The following PCDH1 variants were observed in gnomAD, a reference collection of about 807,000 sequenced individuals.
PCDH1 encodes the protein protocadherin 1.
A neutral mutation model predicts 74.6 loss-of-function variants in PCDH1; 23 were observed. The observed-to-expected ratio is 0.31, with a 90% CI of 0.22 to 0.44. The LOEUF is 0.44. Among genes scored for constraint, PCDH1 ranks in the 20% least tolerant of loss-of-function variants. The pLI is 1.00. For synonymous variants in PCDH1, 647 were observed against 686.1 expected (o/e 0.94, Z 0.89); for missense variants, 1,214 against 1,641.4 (o/e 0.74, Z 4.50).
Position 141,866,120 on chromosome 5 carries a change from AG to A in PCDH1, c.904-694del, listed in dbSNP as rs1435112925. 2.6e-5 allele frequency: 26 copies of A among 985,552 alleles called. No individual in the cohort carries two copies. In the African/African-American group the frequency reaches 4.5e-4, roughly 17 times the overall value. The allele number at this position is 985,552 out of a possible 1,614,324, so 61.1% of individuals were successfully genotyped here. On this transcript the variant is annotated intron_variant, in intron 2 of 4. Coordinates refer to ENST00000287008, the MANE Select transcript of PCDH1 (RefSeq NM_032420.5). ...TGGGGGATTTCTTTTGAAAGAAGTC[AG>A]GTAGGGTTGTGGGTCAGAGAAGCCC...
intron 4 of PCDH1, among the ~76,000 whole-genome samples, chr5:141,856,587 C>T (rs753577030): frequency 1.3e-5 from 2 of 152,252 alleles, no homozygotes; most frequent in Admixed American, 6.5e-5. Flanking sequence ...CACACACTGA[C>T]GGCACACCTC....
chr5:141,863,166 C>A lies in PCDH1; in HGVS notation c.3099+66G>T. ...TGCTCCATCACTCCCACACCTCGGT[C>A]CAGATGGCTCCGTGGTAGGGGTGGG... On this transcript the variant is annotated intron_variant, in intron 3 of 4. Transcript: ENST00000287008. The surrounding 1 kb of genome is among the most constrained non-coding windows in gnomAD (Gnocchi z 7.5). 1 of 1,507,120 alleles carries A rather than the reference C, an allele frequency of 6.6e-7. No individual in the cohort carries two copies. The highest frequency in any genetic ancestry group is 8.9e-7 in the Non-Finnish European group (1 of 1,126,290). The allele number at this position is 1,507,120 out of a possible 1,614,324, so 93.4% of individuals were successfully genotyped here.
At chr5:141,873,132 C>T (rs1421687916) in intron 1 of PCDH1, among the ~76,000 whole-genome samples, 3 of 144,724 alleles carry the variant, frequency 2.1e-5, no homozygotes, top group Non-Finnish European at 4.6e-5. Flanking sequence ...CCTGCAAACT[C>T]TTTTTTTTTT....
rs188764098 is a variant in PCDH1, at chr5:141,870,997, C to T, written c.41-1566G>A. Among the ~76,000 whole-genome samples, 341 of 152,340 alleles carry T rather than the reference C, an allele frequency of 2.2e-3. 2 individuals carry two copies. Among genetic ancestry groups the T allele is most frequent in the Middle Eastern group, 6.8e-3 (2 of 294 alleles). ...AGTCCTCTCCTGCCCACGGTGACCT[C>T]TCCTTCCTCCAACTCACAGCCACTT... On this transcript the variant is annotated intron_variant, in intron 1 of 4. Coordinates refer to ENST00000287008, the MANE Select transcript of PCDH1 (RefSeq NM_032420.5).
In PCDH1 at chr5:141,868,871, C is replaced by T. The variant is rs566915735; in HGVS notation, c.601G>A (p.Gly201Ser). ...LASDRDAGPN[G>S]VASYELQAGP... The stretch of plus-strand genomic sequence containing the variant: ...GCCTGCAGCTCATAGGATGCCACAC[C>T]GTTGGGACCAGCATCACGGTCTGAA... The change falls in exon 2 of 5, where the codon GGT (glycine) becomes AGT (serine). Residue 201 changes from glycine (G) to serine (S), a missense_variant. Gly to Ser is a moderately conservative substitution (Grantham distance 56, BLOSUM62 0). Coordinates refer to ENST00000287008, the MANE Select transcript of PCDH1 (RefSeq NM_032420.5). The surrounding 1 kb of genome is among the most constrained non-coding windows in gnomAD (Gnocchi z 4.8). 1.6e-5 allele frequency: 26 copies of T among 1,614,122 alleles called. No homozygotes were observed. The highest frequency in any genetic ancestry group is 4.4e-5 in the South Asian group (4 of 91,090).
chr5:141,866,341 A>T (rs1484538603), intron 2 of PCDH1: 3 of 569,566 alleles, frequency 5.3e-6, no homozygotes, highest in Non-Finnish European at 6.7e-6. Flanking sequence ...TCAAACAATG[A>T]ACTGTCTGTC....
chr5:141,874,521 A>G (rs1345644655), intron 1 of PCDH1, among the ~76,000 whole-genome samples: 1 of 152,242 alleles, frequency 6.6e-6, no homozygotes, highest in African/African-American at 2.4e-5. Context: ...ATAGAGGAGC[A>G]GAAGTGCCGT....
At chr5:141,867,542 T>C (rs1596557772) in intron 2 of PCDH1, 1 of 454,722 alleles carries the variant, frequency 2.2e-6, no homozygotes, top group East Asian at 7.0e-5. Context: ...TAGGCTATTA[T>C]TATTTGCTAT....
chr5:141,867,433 C>T (rs1752895356), intron 2 of PCDH1: 2 of 362,388 alleles, frequency 5.5e-6, no homozygotes, highest in South Asian at 2.1e-5. Context: ...TCTGTTTGGG[C>T]CCGGTTTCTC....
At chr5:141,854,862 G>C (rs1221324235) in intron 4 of PCDH1, among the ~76,000 whole-genome samples, 1 of 151,948 alleles carries the variant, frequency 6.6e-6, no homozygotes, top group Non-Finnish European at 1.5e-5. Flanking sequence ...AGTAGAGATG[G>C]GGTTTCACCA....
Position 141,863,488 on chromosome 5 carries a change from T to C in PCDH1, c.2843A>G (p.Asp948Gly). ...KFNLMSDAPGDSPRIHLPLNY... is the reference protein window; with the variant it reads ...KFNLMSDAPGGSPRIHLPLNY... ...GAGGGGCAGGTGGATGCGGGGACTG[T>C]CCCCAGGGGCATCGCTCATCAGGTT... is the stretch of plus-strand genomic sequence containing the variant. Residue 948 changes from aspartate to glycine, a missense_variant, in exon 3 of 5, where the codon GAC becomes GGC. Coordinates refer to ENST00000287008, the MANE Select transcript of PCDH1 (RefSeq NM_032420.5). The surrounding 1 kb of genome is among the most constrained non-coding windows in gnomAD (Gnocchi z 7.5). The C allele has an allele frequency of 6.2e-7, 1 of 1,608,416 alleles. No individual in the cohort carries two copies. The highest frequency in any genetic ancestry group is 1.3e-5 in the African/African-American group (1 of 74,930).
intron 2 of PCDH1, among the ~76,000 whole-genome samples, chr5:141,866,647 G>A (rs1752853147): frequency 6.6e-6 from 1 of 152,018 alleles, no homozygotes; most frequent in South Asian, 2.1e-4. Context: ...TGTGACCTTG[G>A]GCCAATTATT....
chr5:141,859,874 T>C (rs966710231), intron 3 of PCDH1, among the ~76,000 whole-genome samples: 1 of 152,192 alleles, frequency 6.6e-6, no homozygotes, highest in African/African-American at 2.4e-5. Flanking sequence ...CAGGGACTAG[T>C]TCCTTCTGAA....
chr5:141,861,058 T>C (rs1446510574), intron 3 of PCDH1, among the ~76,000 whole-genome samples: 1 of 133,116 alleles, frequency 7.5e-6, no homozygotes, highest in African/African-American at 2.9e-5. Context: ...GAGGTTGCAG[T>C]GAGCTGAGAT....
At chr5:141,875,201 T>C (rs1041917905) in intron 1 of PCDH1, among the ~76,000 whole-genome samples, 2 of 152,220 alleles carry the variant, frequency 1.3e-5, no homozygotes, top group Admixed American at 6.5e-5. Context: ...AATCATTTTT[T>C]TTTCTAAGTC....
Position 141,869,571 on chromosome 5 carries a change from C to T in PCDH1, c.41-140G>A. The T allele has an allele frequency of 2.0e-6, 3 of 1,535,780 alleles. No homozygotes were observed. The highest frequency in any genetic ancestry group is 2.6e-6 in the Non-Finnish European group (3 of 1,147,026). The stretch of plus-strand genomic sequence containing the variant: ...AGAGCAGTCAGTCCCAGCACAGAAC[C>T]CCGATTCCAGAAACTCAGATCCCTG... On this transcript the variant is annotated intron_variant, in intron 1 of 4. Transcript: ENST00000287008. The surrounding 1 kb of genome is among the most constrained non-coding windows in gnomAD (Gnocchi z 4.9).
At position 141,878,324 on chromosome 5, in the gene PCDH1, CG is replaced by C. The variant is rs1360889090; in HGVS notation, c.-63del. ...CACGGCTGGGGCTGGAGCTGCAGTTCGGGCTCCGGCTCCGGCTCCGGCTGGC... is the reference window on the plus strand; with the variant it reads ...CACGGCTGGGGCTGGAGCTGCAGTTCGGCTCCGGCTCCGGCTCCGGCTGGC... On this transcript the variant is annotated 5_prime_UTR_variant, in exon 1 of 5. Transcript: ENST00000287008. This position sits in a 1 kb window ranked among gnomAD's most constrained non-coding sequence, Gnocchi z 5.5. The C allele has an allele frequency of 8.7e-7, 1 of 1,155,798 alleles. No individual in the cohort carries two copies. Among genetic ancestry groups the C allele is most frequent in the African/African-American group, 1.6e-5 (1 of 61,722 alleles). 71.6% of individuals were successfully genotyped at this position (1,155,798 alleles called of 1,614,324 possible). A position where few individuals can be genotyped will look rare whatever the true frequency, so the allele number is the denominator to read the frequency against.
intron 1 of PCDH1, among the ~76,000 whole-genome samples, chr5:141,870,461 A>C (rs1479370385): frequency 2.6e-5 from 4 of 152,148 alleles, no homozygotes; most frequent in African/African-American, 9.7e-5. Context: ...TGTCCTTAGC[A>C]ACAGGGAGCC....
At chr5:141,875,890 C>T (rs1231645645) in intron 1 of PCDH1, among the ~76,000 whole-genome samples, 1 of 152,144 alleles carries the variant, frequency 6.6e-6, no homozygotes, top group Non-Finnish European at 1.5e-5. Context: ...CTCCCGCGCC[C>T]CCCACCCCCT....
Sources: gnomAD v4.1 joint callset for allele counts (sites outside exome capture counted in the v4.1 genomes callset) on GRCh38, gnomAD v4.1.1 for gene constraint, Gnocchi (gnomAD v3.1) non-coding constraint, MANE v1.5 for transcripts, NCBI Gene and HGNC (gene_info 2026-07-23, HGNC 2026-07-21) for gene names.